Variants in ANGPT1 observed in about 807,000 individuals in gnomAD.
The protein encoded by ANGPT1 is angiopoietin-1.
Under a neutral mutation model 62.2 loss-of-function variants are expected in ANGPT1, and 17 were observed. The observed-to-expected ratio is 0.27, with a 90% confidence interval of 0.19 to 0.41. ANGPT1 has a LOEUF of 0.41. Among genes scored for constraint, ANGPT1 ranks in the 10% least tolerant of loss-of-function variants. The pLI, the probability that ANGPT1 is intolerant of heterozygous loss-of-function variation, is 1.00. For synonymous variants in ANGPT1, 199 were observed against 198.9 expected, an observed-to-expected ratio of 1.00 and a Z score of 0.00; for missense variants, 478 against 594.9, an observed-to-expected ratio of 0.80 and a Z score of 2.04.
chr8:107,438,892 G>A (rs994632800), intron 1 of ANGPT1, among the ~76,000 whole-genome samples: 2 of 152,072 alleles, frequency 1.3e-5, no homozygotes, highest in African/African-American at 4.8e-5. Flanking sequence ...AAAACCATAT[G>A]TTATTTGATT....
In ANGPT1 at chr8:107,370,408, G is replaced by GA. The variant is rs1554587008; in HGVS notation, c.298-23312dup. Among the ~76,000 whole-genome samples, 113 of 62,386 alleles carry GA rather than the reference G, an allele frequency of 1.8e-3. 20 individuals are homozygous for GA. Among genetic ancestry groups the GA allele is most frequent in the African/African-American group, 4.6e-3 (106 of 23,026 alleles). 40.9% of individuals were successfully genotyped at this position (62,386 alleles called of 152,430 possible). On this transcript the variant is annotated intron_variant, in intron 1 of 8. Transcript: ENST00000517746. ...AGAAAGAAAGAAAGAAAGAAAGAAAGAGTCAGGGTCAGTGGCTCAGGCCTA... is the reference window on the plus strand; with the variant it reads ...AGAAAGAAAGAAAGAAAGAAAGAAAGAAGTCAGGGTCAGTGGCTCAGGCCTA...
intron 1 of ANGPT1, among the ~76,000 whole-genome samples, chr8:107,373,982 G>T (rs1816471782): frequency 6.6e-6 from 1 of 152,148 alleles, no homozygotes; most frequent in East Asian, 1.9e-4. Flanking sequence ...TCAGCTGTTT[G>T]GTTCCCTTTC....
At chr8:107,381,530 G>C (rs1470131569) in intron 1 of ANGPT1, among the ~76,000 whole-genome samples, 1 of 152,166 alleles carries the variant, frequency 6.6e-6, no homozygotes, top group Non-Finnish European at 1.5e-5. Flanking sequence ...CTTGGCAGCA[G>C]TGTGAGGGCA....
chr8:107,440,954 G>A (rs903401721), intron 1 of ANGPT1, among the ~76,000 whole-genome samples: 1 of 152,112 alleles, frequency 6.6e-6, no homozygotes, highest in African/African-American at 2.4e-5. Context: ...TATGTACTTG[G>A]ATAAAACCAA....
intron 1 of ANGPT1, among the ~76,000 whole-genome samples, chr8:107,426,834 T>C (rs1335523514): frequency 6.6e-6 from 1 of 152,162 alleles, no homozygotes; most frequent in Non-Finnish European, 1.5e-5. Context: ...CTAAGAAGCT[T>C]GAGAGGAATA....
intron 1 of ANGPT1, among the ~76,000 whole-genome samples, chr8:107,462,060 A>C (rs1054352204): frequency 3.9e-5 from 6 of 152,124 alleles, no homozygotes; most frequent in Admixed American, 6.6e-5. Flanking sequence ...TGGAAGACAG[A>C]AGGTCAGGCT....
intron 1 of ANGPT1, among the ~76,000 whole-genome samples, chr8:107,354,041 CT>C (rs1453495783): frequency 6.6e-6 from 1 of 152,040 alleles, no homozygotes; most frequent in Non-Finnish European, 1.5e-5. Context: ...CCTGCCATTG[CT>C]TTTTTTGGTA....
chr8:107,267,767 T>A (rs1392566561), intron 7 of ANGPT1, among the ~76,000 whole-genome samples: 1 of 152,146 alleles, frequency 6.6e-6, no homozygotes, highest in Non-Finnish European at 1.5e-5. Flanking sequence ...CTTTACTGTC[T>A]ACTTTTTCCC....
intron 1 of ANGPT1, among the ~76,000 whole-genome samples, chr8:107,483,154 A>G (rs141267440): frequency 6.6e-6 from 1 of 152,346 alleles, no homozygotes; most frequent in East Asian, 1.9e-4. Flanking sequence ...GATACTATAT[A>G]GAGATAATTT....
intron 1 of ANGPT1, among the ~76,000 whole-genome samples, chr8:107,483,347 A>T (rs1375641091): frequency 6.6e-6 from 1 of 152,140 alleles, no homozygotes; most frequent in African/African-American, 2.4e-5. Context: ...TTCTCAGTTA[A>T]GAGCTTTCCT....
At position 107,464,641 on chromosome 8, in the gene ANGPT1, G is replaced by A. The variant is rs561812961; in HGVS notation, c.297+32621C>T. On this transcript the variant is annotated intron_variant, in intron 1 of 8. Transcript: ENST00000517746. Reference sequence around the variant, plus strand: ...TCTCTGAATTTTAGGGTTTTATGACGTTGGACAATTTCCTTAATTCTCAGT... The same window carrying A: ...TCTCTGAATTTTAGGGTTTTATGACATTGGACAATTTCCTTAATTCTCAGT... Among the ~76,000 whole-genome samples, 31 of 152,128 alleles carry A rather than the reference G, an allele frequency of 2.0e-4. 1 individual carries two copies. Among genetic ancestry groups the A allele is most frequent in the African/African-American group, 6.5e-4 (27 of 41,536 alleles).
At chr8:107,425,513 C>T (rs1811016920) in intron 1 of ANGPT1, among the ~76,000 whole-genome samples, 1 of 152,190 alleles carries the variant, frequency 6.6e-6, no homozygotes, top group South Asian at 2.1e-4. Flanking sequence ...ATCTTCCCGG[C>T]ATGCTTATCT....
chr8:107,348,716 T>A (rs1815866075), intron 1 of ANGPT1, among the ~76,000 whole-genome samples: 1 of 152,188 alleles, frequency 6.6e-6, no homozygotes, highest in African/African-American at 2.4e-5. Context: ...GACAGAGTAA[T>A]AAAAATTTGT....
chr8:107,465,040 G>A (rs1188884987), intron 1 of ANGPT1, among the ~76,000 whole-genome samples: 2 of 152,110 alleles, frequency 1.3e-5, no homozygotes, highest in Non-Finnish European at 1.5e-5. Context: ...ATTTCAGTGT[G>A]TCAGAGTAAG....
intron 1 of ANGPT1, among the ~76,000 whole-genome samples, chr8:107,481,539 A>AAAG (rs1812686454): frequency 8.3e-6 from 1 of 119,772 alleles, no homozygotes; most frequent in African/African-American, 3.0e-5. Context: ...TCTCAAAAAA[A>AAAG]AAAAAAAAAA....
intron 1 of ANGPT1, among the ~76,000 whole-genome samples, chr8:107,454,138 C>A (rs1278706386): frequency 6.6e-6 from 1 of 151,928 alleles, no homozygotes; most frequent in South Asian, 2.1e-4. Context: ...TTTTGCTTCA[C>A]GGGTGGTGCA....
At chr8:107,294,821 A>G (rs1814370896) in intron 5 of ANGPT1, 1 of 152,156 alleles carries the variant, frequency 6.6e-6, no homozygotes, top group South Asian at 2.1e-4. Context: ...GAAGAGAAAC[A>G]TATCTGTAAT....
intron 1 of ANGPT1, among the ~76,000 whole-genome samples, chr8:107,416,332 C>A (rs1222975266): frequency 6.6e-6 from 1 of 152,170 alleles, no homozygotes; most frequent in African/African-American, 2.4e-5. Flanking sequence ...AGGGAACCAT[C>A]TACTTATATT....
intron 1 of ANGPT1, among the ~76,000 whole-genome samples, chr8:107,410,579 A>G (rs1817248084): frequency 6.6e-6 from 1 of 152,150 alleles, no homozygotes; most frequent in Non-Finnish European, 1.5e-5. Context: ...GTTATTTCTG[A>G]CCTCTGAAAT....
Sources: allele counts gnomAD v4.1 joint callset (sites outside exome capture counted in the v4.1 genomes callset), GRCh38; gene constraint gnomAD v4.1.1; transcripts MANE v1.5; gene names NCBI Gene and HGNC (gene_info 2026-07-23, HGNC 2026-07-21).